FZD3: variants seen among roughly 807,000 people sequenced by gnomAD.
The protein encoded by FZD3 is frizzled class receptor 3, also known as frizzled-3.
A neutral mutation model predicts 60.7 loss-of-function variants in FZD3; 30 were observed. The observed-to-expected ratio is 0.49, with a 90% CI of 0.37 to 0.67. The LOEUF is 0.67. Ranked by LOEUF, FZD3 falls within the 30% of genes least tolerant of loss-of-function variation. The probability of loss-of-function intolerance (pLI) is 0.00; values close to 1 mark genes in which losing one functional copy is unlikely to be tolerated. For synonymous variants in FZD3, 246 were observed against 275.2 expected (o/e 0.89, Z 1.05); for missense variants, 605 against 838.7 (o/e 0.72, Z 3.44).
At position 28,573,764 on chromosome 8, in the gene FZD3, G is replaced by A. The variant is rs1805846813; in HGVS notation, c.*10753G>A. ...CAATTTTTCAAGAGCTATAAAGGTA[G>A]AAAAAGTATTCCTTTTCATTATTCT... is the stretch of plus-strand genomic sequence containing the variant. On this transcript the variant is annotated 3_prime_UTR_variant, in exon 8 of 8. Coordinates refer to ENST00000240093, the MANE Select transcript of FZD3 (RefSeq NM_017412.4). The A allele has an allele frequency of 6.6e-6, 1 of 151,224 alleles. No individual in the cohort carries two copies. The highest frequency in any genetic ancestry group is 2.4e-5 in the African/African-American group (1 of 41,148). 9.4% of individuals were successfully genotyped at this position (151,224 alleles called of 1,614,324 possible).
chr8:28,518,228 T>TC (rs1370446080), intron 3 of FZD3, among the ~76,000 whole-genome samples: 1 of 151,716 alleles, frequency 6.6e-6, no homozygotes, highest in Non-Finnish European at 1.5e-5. Context: ...CTGGCTTTTT[T>TC]TTTTTTTTTT....
At chr8:28,534,712 C>T (rs1328514835) in intron 5 of FZD3, among the ~76,000 whole-genome samples, 1 of 152,044 alleles carries the variant, frequency 6.6e-6, no homozygotes, top group African/African-American at 2.4e-5. Context: ...CAATAATTTG[C>T]CCTACTTTGA....
At chr8:28,560,100 T>C (rs1021739502) in intron 7 of FZD3, among the ~76,000 whole-genome samples, 1 of 152,012 alleles carries the variant, frequency 6.6e-6, no homozygotes, top group African/African-American at 2.4e-5. Flanking sequence ...AGGGAGTAAA[T>C]AAGGAGGTAT....
chr8:28,495,788 T>C (rs1310182219), intron 1 of FZD3, among the ~76,000 whole-genome samples: 2 of 152,178 alleles, frequency 1.3e-5, no homozygotes, highest in African/African-American at 4.8e-5. Context: ...TGGGTGGGGC[T>C]GGAAGGATAA....
At chr8:28,561,314 C>T (rs1805608632) in intron 7 of FZD3, among the ~76,000 whole-genome samples, 1 of 152,160 alleles carries the variant, frequency 6.6e-6, no homozygotes, top group Non-Finnish European at 1.5e-5. Context: ...ATCTCAGCCT[C>T]CCAAAGTGCT....
chr8:28,556,514 G>A (rs1425481313), intron 7 of FZD3, among the ~76,000 whole-genome samples: 3 of 152,198 alleles, frequency 2.0e-5, no homozygotes, highest in Admixed American at 1.3e-4. Context: ...ATCTCAGTGA[G>A]TACCTCATAT....
chr8:28,528,149 T>A lies in FZD3; in HGVS notation c.1389T>A (p.Ile463=), dbSNP rs1323941601. 2 of 1,610,502 alleles carry A rather than the reference T, an allele frequency of 1.2e-6. No individual in the cohort carries two copies. The highest frequency in any genetic ancestry group is 3.4e-5 in the Admixed American group (2 of 59,490). ...AAGAACGCTGCAGAGAATATCACAT[T>A]CCATGTCCATATCAGGTAAGGGAAA... The part of the protein sequence containing the change: ...WIQERCREYH[I]PCPYQVTQMS... Residue 463 remains isoleucine, a synonymous_variant, in exon 5 of 8, where the codon ATT becomes ATA. Transcript: ENST00000240093.
At chr8:28,533,804 A>C (rs1176739919) in intron 5 of FZD3, among the ~76,000 whole-genome samples, 1 of 151,950 alleles carries the variant, frequency 6.6e-6, no homozygotes, top group African/African-American at 2.4e-5. Context: ...CTTTCTCTTT[A>C]GCATAATAAT....
At chr8:28,551,278 T>C (rs889161619) in intron 5 of FZD3, among the ~76,000 whole-genome samples, 2 of 152,218 alleles carry the variant, frequency 1.3e-5, no homozygotes, top group African/African-American at 2.4e-5. Flanking sequence ...ACGCCTGTAA[T>C]CCCAGCACTT....
chr8:28,569,606 G>T lies in FZD3; in HGVS notation c.*6595G>T, dbSNP rs574716296. The stretch of plus-strand genomic sequence containing the variant: ...TACTAGATCAACCTGTATTATTAAC[G>T]TCATTTACATGTAAATTGATGGGAT... On this transcript the variant is annotated 3_prime_UTR_variant, in exon 8 of 8. Coordinates refer to ENST00000240093, the MANE Select transcript of FZD3 (RefSeq NM_017412.4). 6.6e-6 allele frequency: 1 copy of T among 151,500 alleles called. No individual in the cohort carries two copies. Among genetic ancestry groups the T allele is most frequent in the Non-Finnish European group, 1.5e-5 (1 of 67,902 alleles). 9.4% of individuals were successfully genotyped at this position (151,500 alleles called of 1,614,324 possible).
intron 4 of FZD3, 29 bp downstream of exon 4, chr8:28,520,863 A>G (rs1015439073): frequency 5.0e-6 from 7 of 1,407,386 alleles, no homozygotes; most frequent in Non-Finnish European, 4.9e-6. Flanking sequence ...TTCATGGATC[A>G]TTTCTTATGT....
At position 28,495,316 on chromosome 8, in the gene FZD3, T is replaced by G. The variant is rs146000700; in HGVS notation, c.-391+973T>G. Among the ~76,000 whole-genome samples, 6 of 152,212 alleles carry G rather than the reference T, an allele frequency of 3.9e-5. No individual in the cohort carries two copies. The East Asian group carries it at 9.7e-4, about 25-fold the overall frequency. On this transcript the variant is annotated intron_variant, in intron 1 of 7. Coordinates refer to ENST00000240093, the MANE Select transcript of FZD3 (RefSeq NM_017412.4). ...GGTTTGCCCAGTGTAGAATGACTCT[T>G]TGAATTTTGGTTCCCGTCTGGGTTG...
At chr8:28,537,414 G>A (rs2130416506) in intron 5 of FZD3, among the ~76,000 whole-genome samples, 1 of 152,350 alleles carries the variant, frequency 6.6e-6, no homozygotes, top group East Asian at 1.9e-4. Context: ...AAAATTCAAT[G>A]TACTTGCCAT....
rs571083795 is a variant in FZD3, at chr8:28,571,993, C to T, written c.*8982C>T. On this transcript the variant is annotated 3_prime_UTR_variant, in exon 8 of 8. Coordinates refer to ENST00000240093, the MANE Select transcript of FZD3 (RefSeq NM_017412.4). ...TTAATAGTAATTATGAGTTATTTCA[C>T]TCTCTGTAATTTGTGATACCCAAGA... is the stretch of plus-strand genomic sequence containing the variant. The T allele has an allele frequency of 3.3e-5, 5 of 152,084 alleles. No individual in the cohort carries two copies. In the South Asian group the frequency reaches 1.0e-3, roughly 32 times the overall value. 9.4% of individuals were successfully genotyped at this position (152,084 alleles called of 1,614,324 possible).
rs774323651 is a variant in FZD3 at position 28,527,264 on chromosome 8, G to A, written c.504G>A (p.Glu168=). The change falls in exon 5 of 8, where the codon GAG becomes GAA. Residue 168 remains glutamate, a synonymous_variant. Transcript: ENST00000240093. The surrounding 1 kb of genome is among the most constrained non-coding windows in gnomAD (Gnocchi z 5.0). The part of the protein sequence containing the change: ...QRDYGFWCPR[E]LKIDPDLGYS... ...ACTATGGTTTTTGGTGTCCCCGAGA[G>A]TTAAAAATTGATCCTGATCTGGGTT... 2 of 1,614,032 alleles carry A rather than the reference G, an allele frequency of 1.2e-6. No homozygotes were observed. Among genetic ancestry groups the A allele is most frequent in the Non-Finnish European group, 1.7e-6 (2 of 1,179,954 alleles).
At chr8:28,535,699 G>A (rs2130408350) in intron 5 of FZD3, among the ~76,000 whole-genome samples, 1 of 152,278 alleles carries the variant, frequency 6.6e-6, no homozygotes, top group East Asian at 1.9e-4. Flanking sequence ...TGAGTAGTCA[G>A]AGTAATATTT....
chr8:28,526,161 T>G (rs1357136980), intron 4 of FZD3, among the ~76,000 whole-genome samples: 1 of 150,846 alleles, frequency 6.6e-6, no homozygotes, highest in Non-Finnish European at 1.5e-5. Context: ...TTGTAGTGTT[T>G]GCATGGTTTT....
intron 3 of FZD3, among the ~76,000 whole-genome samples, chr8:28,505,363 T>C (rs1229891982): frequency 6.6e-6 from 1 of 152,124 alleles, no homozygotes; most frequent in African/African-American, 2.4e-5. Context: ...TTTTTTTATT[T>C]TTTTTTGAGA....
At chr8:28,513,769 A>G (rs1027125872) in intron 3 of FZD3, among the ~76,000 whole-genome samples, 2 of 152,094 alleles carry the variant, frequency 1.3e-5, no homozygotes, top group African/African-American at 4.8e-5. Flanking sequence ...TAGTCATAAT[A>G]CTCCCAAACC....
Sources: allele counts gnomAD v4.1 joint callset (sites outside exome capture counted in the v4.1 genomes callset), GRCh38; gene constraint gnomAD v4.1.1; non-coding constraint Gnocchi (gnomAD v3.1); transcripts MANE v1.5; gene names NCBI Gene and HGNC (gene_info 2026-07-23, HGNC 2026-07-21).